INTS6: variants seen among roughly 807,000 people sequenced by gnomAD.
The protein encoded by INTS6 is DEAD box protein.
A neutral mutation model predicts 104.9 loss-of-function variants in INTS6; 16 were observed. That is an observed-to-expected ratio of 0.15 (90% CI 0.10 to 0.23). The LOEUF is 0.23. INTS6 is among the 10% of genes least tolerant of loss of function. The probability of loss-of-function intolerance (pLI) is 1.00; values close to 1 mark genes in which losing one functional copy is unlikely to be tolerated. For missense variants in INTS6, 584 were observed against 1,062.8 expected (o/e 0.55, Z 6.26); for synonymous variants, 324 against 358.7 (o/e 0.90, Z 1.09).
At position 51,443,307 on chromosome 13, in the gene INTS6, C is replaced by T. The variant is rs1484358234; in HGVS notation, c.339+7718G>A. On this transcript the variant is annotated intron_variant, in intron 3 of 17. Transcript: ENST00000311234. Reference sequence around the variant, plus strand: ...AAGCCCTATGAAAATAATAATAAAACACAGAAAGTTTAATGAAAACTTGTC... The same window carrying T: ...AAGCCCTATGAAAATAATAATAAAATACAGAAAGTTTAATGAAAACTTGTC... 9.9e-5 allele frequency: 15 copies of T among 151,958 alleles called. No individual in the cohort carries two copies. In the East Asian group the frequency reaches 2.9e-3, roughly 29 times the overall value. 9.4% of individuals were successfully genotyped at this position (151,958 alleles called of 1,614,324 possible).
In INTS6 at chr13:51,367,842, G is replaced by C. The variant is rs754156568; in HGVS notation, c.2533C>G (p.Leu845Val). 1 of 1,592,190 alleles carries C rather than the reference G, an allele frequency of 6.3e-7. No homozygotes were observed. ...KHVQGSLQTR[L>V]IFLQNVIKEA... ...TTAATGACATTTTGTAAAAATATTA[G>C]TCTTGTTTGTAAACTGCCTTGCACA... The change falls in exon 17 of 18, where the codon CTA becomes GTA. Residue 845 changes from leucine (L) to valine (V), a missense_variant. Physicochemically the swap from Leu to Val is conservative, Grantham distance 32. Transcript: ENST00000311234.
In INTS6 at chr13:51,452,410, G is replaced by C. The variant is rs774519922; in HGVS notation, c.111+5C>G. 4 of 1,595,790 alleles carry C rather than the reference G, an allele frequency of 2.5e-6. No individual in the cohort carries two copies. The highest frequency in any genetic ancestry group is 3.4e-6 in the Non-Finnish European group (4 of 1,171,282). On this transcript the variant is annotated splice_donor_5th_base_variant and intron_variant, in intron 1 of 17. Transcript: ENST00000311234. This position sits in a 1 kb window ranked among gnomAD's most constrained non-coding sequence, Gnocchi z 4.2. Reference sequence around the variant, plus strand: ...GGTCGCCGCCCGGGCTCGGTCAGTCGGTACCTTCATGAAGGTCTCTACCGC... The same window carrying C: ...GGTCGCCGCCCGGGCTCGGTCAGTCCGTACCTTCATGAAGGTCTCTACCGC...
intron 3 of INTS6, chr13:51,450,740 T>G: frequency 9.5e-7 from 1 of 1,047,238 alleles, no homozygotes; most frequent in South Asian, 4.4e-5. Context: ...CTTTTCCTTT[T>G]AGGTCTTTAC....
chr13:51,379,133 GAGT>G (rs1460668747), intron 11 of INTS6, among the ~76,000 whole-genome samples: 1 of 151,414 alleles, frequency 6.6e-6, no homozygotes, highest in East Asian at 1.9e-4. Context: ...AAAACATAAA[GAGT>G]TTTTTTTTTC....
intron 16 of INTS6, 109 bp from the exon 17 acceptor site, chr13:51,368,007 T>C: frequency 1.8e-6 from 1 of 550,674 alleles, no homozygotes; most frequent in Non-Finnish European, 3.1e-6. Flanking sequence ...GATAAAAACA[T>C]TCTACATAAA....
At chr13:51,385,636 A>C (rs1186842057) in intron 7 of INTS6, among the ~76,000 whole-genome samples, 1 of 152,222 alleles carries the variant, frequency 6.6e-6, no homozygotes, top group Non-Finnish European at 1.5e-5. Flanking sequence ...TTAATAACTA[A>C]TAGTGCCGTG....
chr13:51,418,977 C>T (rs933618499), intron 4 of INTS6, among the ~76,000 whole-genome samples: 7 of 152,184 alleles, frequency 4.6e-5, no homozygotes, highest in African/African-American at 1.7e-4. Context: ...CAAACACTTC[C>T]AGGCAAGCAC....
At chr13:51,415,513 G>C (rs1453646436) in intron 4 of INTS6, among the ~76,000 whole-genome samples, 1 of 152,048 alleles carries the variant, frequency 6.6e-6, no homozygotes, top group Non-Finnish European at 1.5e-5. Flanking sequence ...AGATCTGATG[G>C]TTTTAAAAAC....
chr13:51,448,441 G>C (rs1331755622), intron 3 of INTS6: 1 of 152,160 alleles, frequency 6.6e-6, no homozygotes, highest in African/African-American at 2.4e-5. Flanking sequence ...GATACCCAAA[G>C]TGCTTGAGGA....
intron 4 of INTS6, chr13:51,402,568 G>A (rs1956457842): frequency 6.6e-6 from 1 of 152,196 alleles, no homozygotes; most frequent in South Asian, 2.1e-4. Flanking sequence ...TTGAATACAA[G>A]TGAGGTTTTC....
At chr13:51,396,160 G>C (rs1189936032) in intron 4 of INTS6, among the ~76,000 whole-genome samples, 1 of 152,138 alleles carries the variant, frequency 6.6e-6, no homozygotes, top group Non-Finnish European at 1.5e-5. Flanking sequence ...CCTGTGTCCA[G>C]AGTCAGTACT....
rs1021213568 is a variant in INTS6, at chr13:51,424,517, T to C, written c.429+5777A>G. Among the ~76,000 whole-genome samples, 4 of 152,064 alleles carry C rather than the reference T, an allele frequency of 2.6e-5. No individual in the cohort carries two copies. The South Asian group carries it at 8.3e-4, about 31-fold the overall frequency. On this transcript the variant is annotated intron_variant, in intron 4 of 17. Transcript: ENST00000311234. ...AACTACTAATAATTGCAGATGTATA[T>C]ATTCCTATAACATACCAGCAGTAAT...
At chr13:51,339,926 T>C in the INTS6 span, among the ~76,000 whole-genome samples, 4 of 151,266 alleles carry the variant, frequency 2.6e-5, no homozygotes, top group African/African-American at 7.3e-5. Flanking sequence ...CACACACACA[T>C]AGAAAGAAAG....
chr13:51,361,064 AAG>A, downstream of INTS6, among the ~76,000 whole-genome samples: 1 of 152,050 alleles, frequency 6.6e-6, no homozygotes, highest in Non-Finnish European at 1.5e-5. Flanking sequence ...TAACAAATTA[AAG>A]TTTGGTAACA....
At chr13:51,342,178 C>CAAA in the INTS6 span, among the ~76,000 whole-genome samples, 330 of 63,090 alleles carry the variant, frequency 5.2e-3, 1 homozygote, top group African/African-American at 9.6e-3. Flanking sequence ...AAAGACAGAA[C>CAAA]AAAAAAAAAA....
chr13:51,408,942 C>A (rs1397412380), intron 4 of INTS6, among the ~76,000 whole-genome samples: 1 of 152,088 alleles, frequency 6.6e-6, no homozygotes, highest in Non-Finnish European at 1.5e-5. Flanking sequence ...AAAAATTTTT[C>A]CAACTATAGC....
chr13:51,412,054 A>G (rs1956697839), intron 4 of INTS6, among the ~76,000 whole-genome samples: 1 of 152,226 alleles, frequency 6.6e-6, no homozygotes, highest in African/African-American at 2.4e-5. Flanking sequence ...GCCACATATT[A>G]TATACAGTGT....
At chr13:51,360,188 G>A (rs114486502), downstream of INTS6, among the ~76,000 whole-genome samples, 177 of 152,158 alleles carry the variant, frequency 1.2e-3, 1 homozygote, top group African/African-American at 3.9e-3. Flanking sequence ...GTTAGTCTAA[G>A]ATGAAACAAA....
chr13:51,402,461 C>T (rs1956456701), intron 4 of INTS6: 2 of 152,108 alleles, frequency 1.3e-5, no homozygotes, highest in Non-Finnish European at 2.9e-5. Flanking sequence ...TATTGTGGGC[C>T]TTTATTAGAA....
Sources: gnomAD v4.1 joint callset for allele counts (sites outside exome capture counted in the v4.1 genomes callset) on GRCh38, gnomAD v4.1.1 for gene constraint, Gnocchi (gnomAD v3.1) non-coding constraint, MANE v1.5 for transcripts, NCBI Gene and HGNC (gene_info 2026-07-23, HGNC 2026-07-21) for gene names.